The following CACNA2D1 variants were observed in gnomAD, a reference collection of about 807,000 sequenced individuals.
The protein encoded by CACNA2D1 is voltage-dependent calcium channel subunit alpha-2/delta-1.
CACNA2D1 carries 53 observed loss-of-function variants against 171.5 expected under a neutral mutation model. That is an observed-to-expected ratio of 0.31 (90% CI 0.25 to 0.39). The LOEUF (loss-of-function observed/expected upper bound fraction) is 0.39, where lower values mean the gene tolerates loss of function less well. Among genes scored for constraint, CACNA2D1 ranks in the 10% least tolerant of loss-of-function variants. The pLI is 1.00. For missense variants in CACNA2D1, 903 were observed against 1,299.8 expected, an observed-to-expected ratio of 0.69 and a Z score of 4.69; for synonymous variants, 442 against 443.1, an observed-to-expected ratio of 1.00 and a Z score of 0.03.
chr7:82,161,620 A>T (rs1304559730), intron 4 of CACNA2D1, among the ~76,000 whole-genome samples: 1 of 152,042 alleles, frequency 6.6e-6, no homozygotes, highest in African/African-American at 2.4e-5. Context: ...TATTAACTGG[A>T]GGAGAAAGTG....
intron 3 of CACNA2D1, among the ~76,000 whole-genome samples, chr7:82,288,422 T>TACACACACACAC (rs3054677): frequency 6.8e-6 from 1 of 147,274 alleles, no homozygotes; most frequent in African/African-American, 2.5e-5. Context: ...TTTGCTTCTA[T>TACACACACACAC]ACACACACAC....
At chr7:82,095,996 T>G (rs1164576039) in intron 6 of CACNA2D1, among the ~76,000 whole-genome samples, 1 of 152,234 alleles carries the variant, frequency 6.6e-6, no homozygotes, top group Non-Finnish European at 1.5e-5. Flanking sequence ...AATATCACTA[T>G]GAAGCTTCTT....
At chr7:82,194,914 A>G (rs771672564) in intron 3 of CACNA2D1, among the ~76,000 whole-genome samples, 7 of 152,030 alleles carry the variant, frequency 4.6e-5, no homozygotes, top group Non-Finnish European at 7.4e-5. Context: ...CGGGGGAGAT[A>G]GAGACAGAGA....
At chr7:82,398,567 T>C (rs754583079) in intron 1 of CACNA2D1, among the ~76,000 whole-genome samples, 14 of 147,614 alleles carry the variant, frequency 9.5e-5, no homozygotes, top group Non-Finnish European at 1.5e-4. Context: ...ACCACTTCAG[T>C]TTCTTTTCTT....
intron 3 of CACNA2D1, 21 bp from the exon 4 acceptor site, chr7:82,170,630 CT>C (rs766376517): frequency 6.2e-7 from 1 of 1,609,576 alleles, no homozygotes; most frequent in South Asian, 1.1e-5. Context: ...AACAATAAAT[CT>C]TAGAATTCAA....
chr7:82,186,924 G>C (rs1797845144), intron 3 of CACNA2D1, among the ~76,000 whole-genome samples: 1 of 152,042 alleles, frequency 6.6e-6, no homozygotes, highest in Admixed American at 6.6e-5. Flanking sequence ...AAATATTGAA[G>C]CTTTAATGTC....
chr7:82,099,491 C>A (rs1280994265), intron 6 of CACNA2D1, among the ~76,000 whole-genome samples: 1 of 39,642 alleles, frequency 2.5e-5, no homozygotes, highest in Non-Finnish European at 5.2e-5. Context: ...GCTCTGTCGC[C>A]CAGGCTGGAG....
At chr7:82,025,403 TTTGGGTCTA>T (rs1801758638) in intron 12 of CACNA2D1, among the ~76,000 whole-genome samples, 1 of 151,664 alleles carries the variant, frequency 6.6e-6, no homozygotes, top group Non-Finnish European at 1.5e-5. Flanking sequence ...TAGTATTCTT[TTTGGGTCTA>T]TTGTAAATGA....
chr7:82,221,008 T>C (rs1380496499), intron 3 of CACNA2D1, among the ~76,000 whole-genome samples: 1 of 152,136 alleles, frequency 6.6e-6, no homozygotes, highest in Non-Finnish European at 1.5e-5. Context: ...ACTCCTGACC[T>C]CGCATGATCT....
At chr7:82,297,096 A>AAAAAT (rs1377126136) in intron 3 of CACNA2D1, among the ~76,000 whole-genome samples, 1 of 133,138 alleles carries the variant, frequency 7.5e-6, no homozygotes, top group African/African-American at 2.9e-5. Flanking sequence ...AAAAAAAAAA[A>AAAAAT]ATTAGCCAGG....
chr7:82,137,773 C>T (rs1244216572), intron 4 of CACNA2D1, among the ~76,000 whole-genome samples: 2 of 149,000 alleles, frequency 1.3e-5, no homozygotes, highest in Non-Finnish European at 3.0e-5. Context: ...CCAGCTACTC[C>T]GGAGGCTGAG....
intron 3 of CACNA2D1, among the ~76,000 whole-genome samples, chr7:82,192,376 T>C (rs530901479): frequency 8.6e-5 from 13 of 151,060 alleles, no homozygotes; most frequent in South Asian, 8.4e-4. Flanking sequence ...CCCCAAGTTA[T>C]CTAGTTAACA....
intron 4 of CACNA2D1, among the ~76,000 whole-genome samples, chr7:82,138,151 A>T (rs192338677): frequency 6.6e-6 from 1 of 152,276 alleles, no homozygotes; most frequent in East Asian, 1.9e-4. Flanking sequence ...GTGTTTTCTC[A>T]GTTTATTTAC....
chr7:82,062,919 G>T (rs1807131850), intron 9 of CACNA2D1, among the ~76,000 whole-genome samples: 1 of 151,180 alleles, frequency 6.6e-6, no homozygotes, highest in African/African-American at 2.4e-5. Context: ...TTTTTCTTTT[G>T]TATTTGTTGT....
At chr7:81,968,776 TTTG>T in intron 29 of CACNA2D1, 108 bp downstream of exon 29, 1 of 720,672 alleles carries the variant, frequency 1.4e-6, no homozygotes. Flanking sequence ...ATGCCTTTAT[TTTG>T]TTTGACACCT....
intron 7 of CACNA2D1, among the ~76,000 whole-genome samples, chr7:82,076,045 A>G (rs780784647): frequency 3.3e-5 from 5 of 152,182 alleles, no homozygotes; most frequent in African/African-American, 4.8e-5. Flanking sequence ...TGTGAGCAAT[A>G]AAATCAATCA....
At chr7:82,070,711 G>T (rs932984204) in intron 7 of CACNA2D1, among the ~76,000 whole-genome samples, 1 of 152,088 alleles carries the variant, frequency 6.6e-6, no homozygotes, top group Non-Finnish European at 1.5e-5. Context: ...GAGACAAAAA[G>T]GTGGGAGAAA....
chr7:82,098,108 T>C (rs185337764), intron 6 of CACNA2D1, among the ~76,000 whole-genome samples: 1 of 152,072 alleles, frequency 6.6e-6, no homozygotes, highest in Non-Finnish European at 1.5e-5. Flanking sequence ...CCAGCCTGGG[T>C]GACAGAGCAA....
At chr7:82,102,491 C>T (rs941908537) in intron 6 of CACNA2D1, among the ~76,000 whole-genome samples, 10 of 151,394 alleles carry the variant, frequency 6.6e-5, no homozygotes, top group Admixed American at 3.3e-4. Context: ...TATATACACA[C>T]ACACACACGC....
Sources: allele counts gnomAD v4.1 joint callset (sites outside exome capture counted in the v4.1 genomes callset), GRCh38; gene constraint gnomAD v4.1.1; transcripts MANE v1.5; gene names NCBI Gene and HGNC (gene_info 2026-07-23, HGNC 2026-07-21).